Variants in TMEM192 observed in about 807,000 individuals in gnomAD.
The protein encoded by TMEM192 is transmembrane protein 192.
In TMEM192, 20 loss-of-function variants were observed where a neutral mutation model predicts 26.7. The ratio of observed to expected loss-of-function variants is 0.75; its 90% CI spans 0.53 to 1.09. The LOEUF (loss-of-function observed/expected upper bound fraction) is 1.09, where lower values mean the gene tolerates loss of function less well. Ranked by LOEUF, TMEM192 falls within the 50% of genes least tolerant of loss-of-function variation. The probability of loss-of-function intolerance (pLI) is 0.00; values close to 1 mark genes in which losing one functional copy is unlikely to be tolerated. For missense variants in TMEM192, 304 were observed against 322.6 expected, an observed-to-expected ratio of 0.94 and a Z score of 0.44; for synonymous variants, 124 against 121.0, an observed-to-expected ratio of 1.02 and a Z score of -0.16.
intron 3 of TMEM192, among the ~76,000 whole-genome samples, chr4:165,092,389 TG>T (rs2110763462): frequency 6.6e-6 from 1 of 152,292 alleles, no homozygotes; most frequent in Non-Finnish European, 1.5e-5. Context: ...CCCAAAGTGC[TG>T]GGATTACAGG....
intron 3 of TMEM192, among the ~76,000 whole-genome samples, chr4:165,094,803 T>C (rs1279164712): frequency 1.3e-5 from 2 of 151,772 alleles, no homozygotes; most frequent in Non-Finnish European, 2.9e-5. Flanking sequence ...GGTGAAACCC[T>C]GTCTCTACTA....
intron 3 of TMEM192, among the ~76,000 whole-genome samples, chr4:165,100,365 G>T (rs898243531): frequency 6.6e-6 from 1 of 151,716 alleles, no homozygotes; most frequent in Non-Finnish European, 1.5e-5. Context: ...TCACCATGTT[G>T]GCCAGGATGG....
At chr4:165,097,004 A>AAG (rs1481461663) in intron 3 of TMEM192, among the ~76,000 whole-genome samples, 1 of 152,052 alleles carries the variant, frequency 6.6e-6, no homozygotes, top group African/African-American at 2.4e-5. Flanking sequence ...TTCTGGCCAA[A>AAG]AGAGAGAGCT....
chr4:165,106,903 A>C (rs1177784520), intron 1 of TMEM192, among the ~76,000 whole-genome samples: 3 of 152,008 alleles, frequency 2.0e-5, no homozygotes, highest in Non-Finnish European at 4.4e-5. Context: ...CATATATCCT[A>C]TTGGTTCTGT....
intron 3 of TMEM192, among the ~76,000 whole-genome samples, chr4:165,097,772 A>C (rs923977766): frequency 2.0e-5 from 3 of 151,160 alleles, no homozygotes; most frequent in Admixed American, 2.0e-4. Context: ...AGGCTACCAC[A>C]CATGACTAAT....
At chr4:165,096,581 CAGTACTGTTATCTGTA>C (rs1411464579) in intron 3 of TMEM192, among the ~76,000 whole-genome samples, 1 of 150,836 alleles carries the variant, frequency 6.6e-6, no homozygotes, top group African/African-American at 2.4e-5. Flanking sequence ...TTAATATTAT[CAGTACTGTTATCTGTA>C]AGTCCTACAT....
chr4:165,098,278 C>T (rs762638317), intron 3 of TMEM192, among the ~76,000 whole-genome samples: 10 of 150,920 alleles, frequency 6.6e-5, no homozygotes, highest in Admixed American at 6.6e-5. Context: ...TTGCCCGCCA[C>T]CACGTTCAGC....
At chr4:165,096,629 C>CTT (rs55845654) in intron 3 of TMEM192, among the ~76,000 whole-genome samples, 1,509 of 144,568 alleles carry the variant, frequency 0.01, 15 homozygotes, top group Non-Finnish European at 0.016. Flanking sequence ...ATAGATTTAT[C>CTT]TTTTTTTTTT....
At chr4:165,100,511 A>G (rs1735013536) in intron 3 of TMEM192, 117 bp downstream of exon 3, 3 of 1,259,084 alleles carry the variant, frequency 2.4e-6, no homozygotes, top group Non-Finnish European at 1.1e-6. Context: ...CAGAACACAC[A>G]TCAACCTTAC....
At position 165,073,449 on chromosome 4, in the gene TMEM192, G is replaced by GAA. The variant is rs1291580001; in HGVS notation, c.*6207_*6208dup. 2.6e-5 allele frequency: 4 copies of GAA among 152,226 alleles called. No individual in the cohort carries two copies. Among genetic ancestry groups the GAA allele is most frequent in the Admixed American group, 2.6e-4 (4 of 15,268 alleles). The allele number at this position is 152,226 out of a possible 1,614,324, so 9.4% of individuals were successfully genotyped here. A position where few individuals can be genotyped will look rare whatever the true frequency, so the allele number is the denominator to read the frequency against. ...GAAAGCCGCAGGGACCTCTGCCCAA[G>GAA]AAAGCCTGGGTATTGTCCAAGGTTT... On this transcript the variant is annotated 3_prime_UTR_variant, in exon 6 of 6. Transcript: ENST00000306480.
At chr4:165,110,247 A>G (rs1295541835) in intron 1 of TMEM192, among the ~76,000 whole-genome samples, 1 of 152,156 alleles carries the variant, frequency 6.6e-6, no homozygotes, top group Non-Finnish European at 1.5e-5. Flanking sequence ...TTTTGCCCAC[A>G]TGGTATCTCT....
intron 3 of TMEM192, among the ~76,000 whole-genome samples, chr4:165,093,767 C>G (rs940144866): frequency 6.6e-6 from 1 of 152,136 alleles, no homozygotes; most frequent in Non-Finnish European, 1.5e-5. Flanking sequence ...CAGTCTTACT[C>G]TGTTGCCCAG....
intron 3 of TMEM192, among the ~76,000 whole-genome samples, chr4:165,091,216 T>C (rs1322160981): frequency 1.3e-5 from 2 of 151,882 alleles, no homozygotes; most frequent in Non-Finnish European, 2.9e-5. Context: ...TGCAGTGAGC[T>C]GAGATAGCGC....
rs1579197492 is a variant in TMEM192 at position 165,072,970 on chromosome 4, T to C, written c.*6688A>G. The C allele has an allele frequency of 6.9e-6, 1 of 144,924 alleles. No homozygotes were observed. Among genetic ancestry groups the C allele is most frequent in the Non-Finnish European group, 1.5e-5 (1 of 65,814 alleles). The allele number at this position is 144,924 out of a possible 1,614,324, so 9.0% of individuals were successfully genotyped here. ...AGACCACCAAGAGAGTGAACGCTGATGGAGAAGCCAAGAGGCCCAGGGGTT... is the reference window on the plus strand; with the variant it reads ...AGACCACCAAGAGAGTGAACGCTGACGGAGAAGCCAAGAGGCCCAGGGGTT... On this transcript the variant is annotated 3_prime_UTR_variant, in exon 6 of 6. Transcript: ENST00000306480.
At chr4:165,089,467 G>A (rs181798659) in intron 3 of TMEM192, among the ~76,000 whole-genome samples, 32 of 152,158 alleles carry the variant, frequency 2.1e-4, no homozygotes, top group Non-Finnish European at 4.1e-4. Flanking sequence ...GACTACAGGC[G>A]CCCGCCACCA....
chr4:165,091,140 G>A (rs998215065), intron 3 of TMEM192, among the ~76,000 whole-genome samples: 2 of 151,766 alleles, frequency 1.3e-5, no homozygotes, highest in Non-Finnish European at 2.9e-5. Context: ...GGTGGCGGGC[G>A]CCTGTAGTCT....
At chr4:165,106,161 C>A (rs1454770005) in intron 1 of TMEM192, among the ~76,000 whole-genome samples, 1 of 152,200 alleles carries the variant, frequency 6.6e-6, no homozygotes, top group South Asian at 2.1e-4. Context: ...GCAACCCAAA[C>A]AAAGACACTA....
chr4:165,088,705 T>TA (rs1460445814), intron 3 of TMEM192, 103 bp from the exon 4 acceptor site: 1 of 1,168,876 alleles, frequency 8.6e-7, no homozygotes. Context: ...ACAGAGCTCC[T>TA]AAAACACTTG....
Position 165,088,533 on chromosome 4 carries a change from T to C in TMEM192, c.509A>G (p.Asp170Gly). ...SFPEPGRLYL[D>G]LILAILALEL... is the part of the protein sequence containing the mutation. ...CAGTGCCAAGATGGCCAGAATGAGG[T>C]CAAGATACAATCTGCCAGGCTCTGG... is the stretch of plus-strand genomic sequence containing the variant. Residue 170 changes from aspartate (D) to glycine (G), a missense_variant, in exon 4 of 6, where the codon GAC becomes GGC. Physicochemically the swap from Asp to Gly is moderately conservative, Grantham distance 94. Transcript: ENST00000306480. 1 of 1,613,524 alleles carries C rather than the reference T, an allele frequency of 6.2e-7. No individual in the cohort carries two copies. The highest frequency in any genetic ancestry group is 8.5e-7 in the Non-Finnish European group (1 of 1,179,800).
Sources: gnomAD v4.1 joint callset for allele counts (sites outside exome capture counted in the v4.1 genomes callset) on GRCh38, gnomAD v4.1.1 for gene constraint, MANE v1.5 for transcripts, NCBI Gene and HGNC (gene_info 2026-07-23, HGNC 2026-07-21) for gene names.